The following CCN6 variants were observed in gnomAD, a reference collection of about 807,000 sequenced individuals.
CCN6 encodes the protein CCN family member 6.
A neutral mutation model predicts 37.4 loss-of-function variants in CCN6; 31 were observed. That is an observed-to-expected ratio of 0.83 (90% CI 0.62 to 1.12). The LOEUF (loss-of-function observed/expected upper bound fraction) is 1.12. Among genes scored for constraint, CCN6 ranks in the 50% most tolerant of loss-of-function variants. CCN6 has a pLI of 0.00. For synonymous variants in CCN6, 137 were observed against 142.1 expected, an observed-to-expected ratio of 0.96 and a Z score of 0.26; for missense variants, 369 against 413.8, an observed-to-expected ratio of 0.89 and a Z score of 0.94.
rs1776631094 is a variant in CCN6 at position 112,064,838 on chromosome 6, C to T, written c.430C>T (p.Leu144Phe). Reference protein sequence around the residue: ...VFQPNPLFSCLCVSGAIGCTP... With the variant: ...VFQPNPLFSCFCVSGAIGCTP... Reference sequence around the variant, plus strand: ...TCAGCCCAACCCCTTGTTCAGCTGCCTCTGTGTGAGTGGGGCCATTGGATG... The same window carrying T: ...TCAGCCCAACCCCTTGTTCAGCTGCTTCTGTGTGAGTGGGGCCATTGGATG... The change falls in exon 3 of 5, where the codon CTC becomes TTC. Residue 144 changes from leucine to phenylalanine, a missense_variant. Leu to Phe is a conservative substitution (Grantham distance 22). Transcript: ENST00000368666. 1.2e-6 allele frequency: 2 copies of T among 1,613,990 alleles called. No homozygotes were observed. The highest frequency in any genetic ancestry group is 1.1e-5 in the South Asian group (1 of 91,088).
intron 1 of CCN6, among the ~76,000 whole-genome samples, chr6:112,059,296 A>G (rs1283290055): frequency 1.3e-5 from 2 of 152,230 alleles, no homozygotes; most frequent in Non-Finnish European, 2.9e-5. Context: ...GCTTAAAACA[A>G]CATGATTATC....
At chr6:112,054,555 T>G (rs782454716) in intron 1 of CCN6, 150 bp downstream of exon 1, 14 of 738,062 alleles carry the variant, frequency 1.9e-5, no homozygotes, top group Non-Finnish European at 3.3e-5. Context: ...CCATTTTTCT[T>G]TCCAAATAAA....
At chr6:112,065,694 T>C (rs1776677172) in intron 3 of CCN6, among the ~76,000 whole-genome samples, 1 of 151,908 alleles carries the variant, frequency 6.6e-6, no homozygotes, top group African/African-American at 2.4e-5. Context: ...TACCCATGTA[T>C]CTATGTTCTC....
intron 1 of CCN6, among the ~76,000 whole-genome samples, chr6:112,056,072 T>C (rs782801814): frequency 6.6e-6 from 1 of 152,214 alleles, no homozygotes; most frequent in African/African-American, 2.4e-5. Context: ...TGATGCTTAT[T>C]GTCCTGAAAT....
chr6:112,065,577 A>AAC (rs1232777591), intron 3 of CCN6, among the ~76,000 whole-genome samples: 1 of 121,212 alleles, frequency 8.3e-6, no homozygotes, highest in Non-Finnish European at 1.8e-5. Flanking sequence ...CACACACACA[A>AAC]ACACACACAC....
chr6:112,058,787 G>A (rs1776422669), intron 1 of CCN6, among the ~76,000 whole-genome samples: 1 of 152,198 alleles, frequency 6.6e-6, no homozygotes. Flanking sequence ...CTGTGCATAA[G>A]TGCTTGCACA....
In CCN6 at chr6:112,061,269, C is replaced by G; in HGVS notation, c.327C>G (p.Tyr109Ter). The G allele has an allele frequency of 6.2e-7, 1 of 1,614,156 alleles. No homozygotes were observed. Among genetic ancestry groups the G allele is most frequent in the Non-Finnish European group, 8.5e-7 (1 of 1,180,026 alleles). The stretch of plus-strand genomic sequence containing the variant: ...ACTACTCAGTAGACAGGCCTAGGTA[C>G]GAGACTGGAGTGTGTGCATGTAAGT... ...YCDYSVDRPR[Y>*]ETGVCAYLVA... is the part of the protein sequence containing the mutation. Residue 109 changes from tyrosine (Y) to a stop codon, truncating the protein, a stop_gained, in exon 2 of 5, where the codon TAC (tyrosine) becomes TAG (stop). Coordinates refer to ENST00000368666, the MANE Select transcript of CCN6 (RefSeq NM_198239.2). LOFTEE classifies it high-confidence loss of function.
rs587618161 is a variant in CCN6 at position 112,060,287 on chromosome 6, A to G, written c.49-704A>G. Among the ~76,000 whole-genome samples, 321 of 152,320 alleles carry G rather than the reference A, an allele frequency of 2.1e-3. 2 individuals carry two copies. The highest frequency in any genetic ancestry group is 7.5e-3 in the African/African-American group (313 of 41,562). ...GGACAAAGGAGCAAGGAAGGTGAAC[A>G]CTCAGGAGGCTATTGTAATCATCCA... On this transcript the variant is annotated intron_variant, in intron 1 of 4. Coordinates refer to ENST00000368666, the MANE Select transcript of CCN6 (RefSeq NM_198239.2).
chr6:112,055,015 T>A (rs587653378), intron 1 of CCN6: 33 of 157,332 alleles, frequency 2.1e-4, no homozygotes, highest in African/African-American at 7.9e-4. Flanking sequence ...CTATGAGCAA[T>A]TCATTGCCTT....
intron 3 of CCN6, among the ~76,000 whole-genome samples, chr6:112,065,454 GAACT>G (rs1776650925): frequency 6.6e-6 from 1 of 152,078 alleles, no homozygotes; most frequent in African/African-American, 2.4e-5. Flanking sequence ...AAATATTTAA[GAACT>G]GACACATATT....
Position 112,065,628 on chromosome 6 carries a change from A to ACACACACGCACG in CCN6, c.589+638_589+639insGCACGCACACAC, listed in dbSNP as rs1554313841. On this transcript the variant is annotated intron_variant, in intron 3 of 4. Transcript: ENST00000368666. ...CACACACGCACACACACACGCACGC[A>ACACACACGCACG]CACACACACACACACAAACACACAC... is the stretch of plus-strand genomic sequence containing the variant. Among the ~76,000 whole-genome samples, 172 of 139,288 alleles carry ACACACACGCACG rather than the reference A, an allele frequency of 1.2e-3. 2 individuals carry two copies. The highest frequency in any genetic ancestry group is 4.3e-3 in the African/African-American group (166 of 38,232). The allele number at this position is 139,288 out of a possible 152,430, so 91.4% of individuals were successfully genotyped here.
At position 112,069,556 on chromosome 6, in the gene CCN6, C is replaced by G. The variant is rs782086415; in HGVS notation, c.1001C>G (p.Ser334Cys). Residue 334 changes from serine (S) to cysteine (C), a missense_variant, in exon 5 of 5, where the codon TCT becomes TGT. Transcript: ENST00000368666. ...SFKWKMLWITSCVCQRNCREP... is the reference protein window; with the variant it reads ...SFKWKMLWITCCVCQRNCREP... ...AAATGGAAGATGCTGTGGATTACAT[C>G]TTGTGTGTGTCAGAGAAACTGCAGA... is the stretch of plus-strand genomic sequence containing the variant. 6.2e-7 allele frequency: 1 copy of G among 1,613,710 alleles called. No homozygotes were observed. Among genetic ancestry groups the G allele is most frequent in the Admixed American group, 1.7e-5 (1 of 59,966 alleles).
intron 1 of CCN6, among the ~76,000 whole-genome samples, chr6:112,057,510 C>G (rs115169222): frequency 0.023 from 3,521 of 152,148 alleles, 148 homozygotes; most frequent in African/African-American, 0.082. Context: ...GTCACTGAAT[C>G]GTCATAGGAG....
At chr6:112,061,468 T>C in intron 2 of CCN6, 180 bp downstream of exon 2, 1 of 735,452 alleles carries the variant, frequency 1.4e-6, no homozygotes, top group South Asian at 1.7e-5. Flanking sequence ...AGCAGATGCT[T>C]ACACACATTC....
Position 112,054,862 on chromosome 6 carries a change from C to T in CCN6, c.48+457C>T, listed in dbSNP as rs1227364812. 2.0e-5 allele frequency: 4 copies of T among 203,938 alleles called. No individual in the cohort carries two copies. The East Asian group carries it at 3.5e-4, about 18-fold the overall frequency. The allele number at this position is 203,938 out of a possible 1,614,324, so 12.6% of individuals were successfully genotyped here. A position where few individuals can be genotyped will look rare whatever the true frequency, so the allele number is the denominator to read the frequency against. On this transcript the variant is annotated intron_variant, in intron 1 of 4. Transcript: ENST00000368666. Reference sequence around the variant, plus strand: ...AGTCTGTCCTTCTTTGAAAGGGGCACTTTGGAATAAACATTTACATTTTTA... The same window carrying T: ...AGTCTGTCCTTCTTTGAAAGGGGCATTTTGGAATAAACATTTACATTTTTA...
intron 2 of CCN6, among the ~76,000 whole-genome samples, chr6:112,061,607 T>G (rs1554312891): frequency 6.6e-6 from 1 of 152,206 alleles, no homozygotes; most frequent in Non-Finnish European, 1.5e-5. Context: ...TGACAGCTTT[T>G]GTTAATACTG....
intron 1 of CCN6, chr6:112,054,688 A>G: frequency 2.4e-6 from 1 of 415,128 alleles, no homozygotes; most frequent in South Asian, 2.1e-5. Context: ...ATATTTTTAT[A>G]GCAGAGCCTA....
rs965013294 is a variant in CCN6 at position 112,061,034 on chromosome 6, C to A, written c.92C>A (p.Pro31His). 6.2e-7 allele frequency: 1 copy of A among 1,614,130 alleles called. No homozygotes were observed. The highest frequency in any genetic ancestry group is 8.5e-7 in the Non-Finnish European group (1 of 1,180,026). The change falls in exon 2 of 5, where the codon CCT becomes CAT. Residue 31 changes from proline to histidine, a missense_variant. By Grantham distance (77) the Pro-to-His change is moderately conservative (BLOSUM62 -2). Transcript: ENST00000368666. Reference sequence around the variant, plus strand: ...GGCACTGGACCATTAGATACAACACCTGAAGGAAGGCCTGGAGAAGTGTCA... The same window carrying A: ...GGCACTGGACCATTAGATACAACACATGAAGGAAGGCCTGGAGAAGTGTCA... ...VQGTGPLDTT[P>H]EGRPGEVSDA... is the part of the protein sequence containing the mutation.
intron 3 of CCN6, among the ~76,000 whole-genome samples, 161 bp downstream of exon 3, chr6:112,065,158 T>C (rs1362048029): frequency 2.0e-5 from 3 of 152,234 alleles, no homozygotes; most frequent in Admixed American, 6.5e-5. Context: ...CAGACAGGGA[T>C]AAATATCTGC....
Sources: gnomAD v4.1 joint callset for allele counts (sites outside exome capture counted in the v4.1 genomes callset) on GRCh38, gnomAD v4.1.1 for gene constraint, MANE v1.5 for transcripts, NCBI Gene and HGNC (gene_info 2026-07-23, HGNC 2026-07-21) for gene names.